LHFPL3: variants seen among roughly 807,000 people sequenced by gnomAD.
LHFPL3 encodes LHFPL tetraspan subfamily member 3 protein.
Under a neutral mutation model 19.3 loss-of-function variants are expected in LHFPL3, and 5 were observed. That is an observed-to-expected ratio of 0.26 (90% confidence interval 0.14 to 0.54). LHFPL3 has a LOEUF of 0.54. Ranked by LOEUF, LHFPL3 falls within the 20% of genes least tolerant of loss-of-function variation. The pLI is 0.94. For synonymous variants in LHFPL3, 133 were observed against 126.2 expected, an observed-to-expected ratio of 1.05 and a Z score of -0.36; for missense variants, 249 against 307.4, an observed-to-expected ratio of 0.81 and a Z score of 1.42.
intron 1 of LHFPL3, among the ~76,000 whole-genome samples, chr7:104,464,727 C>T (rs1158746593): frequency 2.0e-5 from 3 of 152,220 alleles, no homozygotes; most frequent in Admixed American, 6.5e-5. Flanking sequence ...TGAGGCTGCA[C>T]TGAGCAGCAG....
intron 2 of LHFPL3, among the ~76,000 whole-genome samples, chr7:104,866,598 G>T (rs1791727428): frequency 6.6e-6 from 1 of 152,146 alleles, no homozygotes; most frequent in African/African-American, 2.4e-5. Flanking sequence ...CACCTACAAA[G>T]AGACTTAGAC....
chr7:104,336,258 G>A (rs1789808907), intron 1 of LHFPL3, among the ~76,000 whole-genome samples: 1 of 152,082 alleles, frequency 6.6e-6, no homozygotes, highest in African/African-American at 2.4e-5. Flanking sequence ...GCAAATAGTA[G>A]ATAAGTTATT....
chr7:104,339,457 C>G (rs73713096), intron 1 of LHFPL3, among the ~76,000 whole-genome samples: 343 of 152,316 alleles, frequency 2.3e-3, no homozygotes, highest in African/African-American at 7.7e-3. Context: ...AAATCAGACT[C>G]TTTCCCTGGC....
intron 1 of LHFPL3, among the ~76,000 whole-genome samples, chr7:104,503,666 TTCAAGTGATCCTCCCACC>T (rs1413059669): frequency 5.9e-5 from 9 of 152,084 alleles, no homozygotes; most frequent in African/African-American, 2.2e-4. Context: ...ACCTCCAGGG[TTCAAGTGATCCTCCCACC>T]TCAGCCTCCT....
At chr7:104,827,161 G>A (rs989299274) in intron 2 of LHFPL3, among the ~76,000 whole-genome samples, 1 of 151,978 alleles carries the variant, frequency 6.6e-6, no homozygotes, top group Non-Finnish European at 1.5e-5. Flanking sequence ...ATCAATGTGA[G>A]CACTGACAAA....
At chr7:104,615,604 A>G (rs933578706) in intron 1 of LHFPL3, among the ~76,000 whole-genome samples, 1 of 152,302 alleles carries the variant, frequency 6.6e-6, no homozygotes, top group South Asian at 2.1e-4. Context: ...TACATATGCC[A>G]TGGTGGTTTG....
chr7:104,669,185 A>C (rs1792423087), intron 1 of LHFPL3: 18 of 1,613,654 alleles, frequency 1.1e-5, no homozygotes, highest in Non-Finnish European at 1.5e-5. Flanking sequence ...CCAAAGGAGA[A>C]TGCTTGGGTG....
intron 1 of LHFPL3, among the ~76,000 whole-genome samples, chr7:104,412,522 A>G (rs1791552179): frequency 6.6e-6 from 1 of 152,088 alleles, no homozygotes; most frequent in African/African-American, 2.4e-5. Flanking sequence ...TAGAGATCTG[A>G]TCTAGTATCG....
chr7:104,449,844 G>A (rs562667823), intron 1 of LHFPL3, among the ~76,000 whole-genome samples: 1 of 152,234 alleles, frequency 6.6e-6, no homozygotes, highest in African/African-American at 2.4e-5. Flanking sequence ...AAAAAATGCT[G>A]AAATGGTAGT....
At chr7:104,749,185 C>T (rs1794108116) in intron 2 of LHFPL3, among the ~76,000 whole-genome samples, 1 of 151,880 alleles carries the variant, frequency 6.6e-6, no homozygotes, top group African/African-American at 2.4e-5. Flanking sequence ...CTATCTGCAT[C>T]CCTAAATAAT....
At chr7:104,622,779 C>T (rs1040069016) in intron 1 of LHFPL3, among the ~76,000 whole-genome samples, 1 of 152,164 alleles carries the variant, frequency 6.6e-6, no homozygotes, top group African/African-American at 2.4e-5. Flanking sequence ...TTCATGTACA[C>T]ATTTTTGTGC....
At chr7:104,714,996 G>A (rs767444474) in intron 1 of LHFPL3, among the ~76,000 whole-genome samples, 16 of 152,014 alleles carry the variant, frequency 1.1e-4, no homozygotes, top group Non-Finnish European at 2.1e-4. Flanking sequence ...GAGAGAGAGA[G>A]AGAGAGATTA....
intron 1 of LHFPL3, among the ~76,000 whole-genome samples, chr7:104,661,990 G>C (rs1385388235): frequency 1.3e-5 from 2 of 152,056 alleles, no homozygotes; most frequent in Non-Finnish European, 2.9e-5. Flanking sequence ...AAATGGCTTA[G>C]AGCAGGTAGC....
At chr7:104,778,628 C>T (rs890138423) in intron 2 of LHFPL3, among the ~76,000 whole-genome samples, 1 of 152,240 alleles carries the variant, frequency 6.6e-6, no homozygotes, top group African/African-American at 2.4e-5. Flanking sequence ...CCTACTTAGG[C>T]CAGCCTCCTA....
At chr7:104,503,067 G>T (rs1793631589) in intron 1 of LHFPL3, among the ~76,000 whole-genome samples, 1 of 151,494 alleles carries the variant, frequency 6.6e-6, no homozygotes, top group Non-Finnish European at 1.5e-5. Flanking sequence ...ACATACGCTT[G>T]CAAATATTTA....
At chr7:104,730,466 G>A (rs772092577) in intron 1 of LHFPL3, among the ~76,000 whole-genome samples, 1 of 152,156 alleles carries the variant, frequency 6.6e-6, no homozygotes, top group Non-Finnish European at 1.5e-5. Flanking sequence ...ACCTCATTGT[G>A]GTTTTGATTT....
intron 1 of LHFPL3, chr7:104,669,013 T>C: frequency 6.2e-7 from 1 of 1,611,976 alleles, no homozygotes; most frequent in East Asian, 2.2e-5. Context: ...AAGTGAGTCA[T>C]CACAGACTGG....
At chr7:104,672,138 G>A (rs1436785006) in intron 1 of LHFPL3, among the ~76,000 whole-genome samples, 1 of 151,734 alleles carries the variant, frequency 6.6e-6, no homozygotes, top group Admixed American at 6.6e-5. Context: ...TGTATGCAGG[G>A]CTGACATTCA....
chr7:104,834,297 G>A (rs143668191), intron 2 of LHFPL3, among the ~76,000 whole-genome samples: 48 of 151,246 alleles, frequency 3.2e-4, no homozygotes, highest in Middle Eastern at 3.4e-3. Context: ...CCAAGATCCT[G>A]CCACTGCACT....
Sources: allele counts gnomAD v4.1 joint callset (sites outside exome capture counted in the v4.1 genomes callset), GRCh38; gene constraint gnomAD v4.1.1; transcripts MANE v1.5; gene names NCBI Gene and HGNC (gene_info 2026-07-23, HGNC 2026-07-21).